The following SORCS1 variants were observed in gnomAD, a reference collection of about 807,000 sequenced individuals.
SORCS1 encodes sortilin related VPS10 domain containing receptor 1, also known as VPS10 domain-containing receptor SorCS1.
In SORCS1, 60 loss-of-function variants were observed where a neutral mutation model predicts 146.1. The ratio of observed to expected loss-of-function variants is 0.41; its 90% CI spans 0.33 to 0.51. The LOEUF (loss-of-function observed/expected upper bound fraction) is 0.51, where lower values mean the gene tolerates loss of function less well. SORCS1 is among the 20% of genes least tolerant of loss of function. The pLI, the probability that SORCS1 is intolerant of heterozygous loss-of-function variation, is 0.21. For synonymous variants in SORCS1, 637 were observed against 584.0 expected, an observed-to-expected ratio of 1.09 and a Z score of -1.31; for missense variants, 1,352 against 1,487.6, an observed-to-expected ratio of 0.91 and a Z score of 1.50.
At chr10:106,851,371 G>A (rs1295708342) in intron 2 of SORCS1, among the ~76,000 whole-genome samples, 1 of 152,148 alleles carries the variant, frequency 6.6e-6, no homozygotes, top group African/African-American at 2.4e-5. Flanking sequence ...ATTTTTGTGA[G>A]GGCTGTAAGG....
At chr10:107,003,773 C>T (rs928873336) in intron 1 of SORCS1, among the ~76,000 whole-genome samples, 2 of 152,042 alleles carry the variant, frequency 1.3e-5, no homozygotes, top group Non-Finnish European at 2.9e-5. Flanking sequence ...GACTAGTGTG[C>T]CTCTTGTTAC....
chr10:106,737,289 G>A (rs1263516148), intron 5 of SORCS1, among the ~76,000 whole-genome samples: 1 of 152,174 alleles, frequency 6.6e-6, no homozygotes, highest in Non-Finnish European at 1.5e-5. Flanking sequence ...GAAGCTTTCT[G>A]CAGCAGCTCT....
At chr10:106,736,602 T>TCAAAAAAAAAAAAAAA (rs1433395056) in intron 5 of SORCS1, among the ~76,000 whole-genome samples, 6 of 38,758 alleles carry the variant, frequency 1.5e-4, no homozygotes, top group African/African-American at 3.5e-4. Context: ...TAACCCTGGT[T>TCAAAAAAAAAAAAAAA]AAAAAAAAAA....
intron 3 of SORCS1, among the ~76,000 whole-genome samples, chr10:106,824,792 T>C (rs565320691): frequency 2.9e-4 from 44 of 152,150 alleles, no homozygotes; most frequent in Non-Finnish European, 1.8e-4. Context: ...AAGAGACCCG[T>C]AGGAATGACC....
chr10:106,608,171 G>T (rs1846737793), intron 22 of SORCS1, among the ~76,000 whole-genome samples: 1 of 152,150 alleles, frequency 6.6e-6, no homozygotes, highest in Admixed American at 6.5e-5. Context: ...AATTCCCAAT[G>T]CTAACAGGAT....
chr10:106,648,994 G>A (rs926320366), intron 18 of SORCS1, among the ~76,000 whole-genome samples: 1 of 152,100 alleles, frequency 6.6e-6, no homozygotes, highest in East Asian at 1.9e-4. Context: ...ACGGAGTTTA[G>A]CTGGGGCACT....
chr10:107,010,086 G>A (rs532628488), intron 1 of SORCS1, among the ~76,000 whole-genome samples: 4 of 152,252 alleles, frequency 2.6e-5, no homozygotes, highest in Admixed American at 2.0e-4. Flanking sequence ...TGCATCAAAC[G>A]TATTTCTAAA....
At chr10:106,961,820 T>C (rs903288053) in intron 1 of SORCS1, among the ~76,000 whole-genome samples, 5 of 152,176 alleles carry the variant, frequency 3.3e-5, no homozygotes, top group African/African-American at 4.8e-5. Context: ...TAAAAGTGGG[T>C]ATAAATATTG....
rs1688456694 is a variant in SORCS1 at position 106,827,817 on chromosome 10, T to TCAGC, written c.726+1753_726+1756dup. Among the ~76,000 whole-genome samples, 6 of 152,304 alleles carry TCAGC rather than the reference T, an allele frequency of 3.9e-5. No individual in the cohort carries two copies. In the South Asian group the frequency reaches 1.2e-3, roughly 32 times the overall value. ...TATTGGTTGTGTGGTACTGTGGCCA[T>TCAGC]CAGCCACCCACAGCTATATCAATTT... is the stretch of plus-strand genomic sequence containing the variant. On this transcript the variant is annotated intron_variant, in intron 3 of 25. Transcript: ENST00000263054.
chr10:107,080,609 G>T (rs1459734433), intron 1 of SORCS1, among the ~76,000 whole-genome samples: 3 of 152,182 alleles, frequency 2.0e-5, no homozygotes, highest in African/African-American at 7.2e-5. Flanking sequence ...AAGGCCTTCA[G>T]CAGTTCTGTA....
chr10:106,921,149 C>T (rs1952691586), intron 2 of SORCS1, among the ~76,000 whole-genome samples: 1 of 152,194 alleles, frequency 6.6e-6, no homozygotes. Flanking sequence ...TGTTATGTTC[C>T]AGTTTTTAAA....
intron 2 of SORCS1, among the ~76,000 whole-genome samples, chr10:106,863,524 C>CA (rs397807005): frequency 0.053 from 4,556 of 86,092 alleles, 207 homozygotes; most frequent in African/African-American, 0.15. Context: ...GACTCCATTT[C>CA]AAAAAAAAAA....
chr10:106,928,623 G>A (rs182712970), intron 2 of SORCS1, among the ~76,000 whole-genome samples: 233 of 152,320 alleles, frequency 1.5e-3, no homozygotes, highest in African/African-American at 5.5e-3. Flanking sequence ...GAGCGAGCGA[G>A]GGCTGTGAAG....
At chr10:106,964,515 C>A (rs1201045171) in intron 1 of SORCS1, among the ~76,000 whole-genome samples, 2 of 151,916 alleles carry the variant, frequency 1.3e-5, no homozygotes, top group African/African-American at 4.8e-5. Flanking sequence ...GAGATGGAGT[C>A]TCACCTTGTC....
At chr10:106,899,308 A>G (rs137885051) in intron 2 of SORCS1, among the ~76,000 whole-genome samples, 9 of 152,350 alleles carry the variant, frequency 5.9e-5, no homozygotes, top group African/African-American at 2.2e-4. Context: ...TTCTCTATGT[A>G]GACTGAGAAC....
intron 1 of SORCS1, among the ~76,000 whole-genome samples, chr10:107,046,628 G>A (rs759846629): frequency 6.6e-5 from 10 of 152,234 alleles, no homozygotes; most frequent in East Asian, 3.9e-4. Flanking sequence ...CCTCATGTAC[G>A]TCAGAGGGTG....
At chr10:106,731,248 G>T (rs1028693366) in intron 5 of SORCS1, among the ~76,000 whole-genome samples, 1 of 131,764 alleles carries the variant, frequency 7.6e-6, no homozygotes, top group Non-Finnish European at 1.5e-5. Context: ...AGCCGAGATC[G>T]CACCACTGCA....
At chr10:106,628,575 T>C (rs1413548813) in intron 19 of SORCS1, among the ~76,000 whole-genome samples, 1 of 152,222 alleles carries the variant, frequency 6.6e-6, no homozygotes, top group Admixed American at 6.5e-5. Flanking sequence ...CTCACATCTT[T>C]AGAATCCCCA....
intron 2 of SORCS1, among the ~76,000 whole-genome samples, chr10:106,936,628 G>A (rs1403958064): frequency 1.3e-5 from 2 of 152,158 alleles, no homozygotes; most frequent in African/African-American, 4.8e-5. Context: ...GTGAATGCTG[G>A]CAGAGCTACT....
Sources: gnomAD v4.1 joint callset for allele counts (sites outside exome capture counted in the v4.1 genomes callset) on GRCh38, gnomAD v4.1.1 for gene constraint, MANE v1.5 for transcripts, NCBI Gene and HGNC (gene_info 2026-07-23, HGNC 2026-07-21) for gene names.